Variants in EPHA6 observed in about 807,000 individuals in gnomAD.
The protein encoded by EPHA6 is EPH receptor A6, also known as ephrin type-A receptor 6.
A neutral mutation model predicts 112.0 loss-of-function variants in EPHA6; 50 were observed. That is an observed-to-expected ratio of 0.45 (90% CI 0.36 to 0.56). The LOEUF (loss-of-function observed/expected upper bound fraction) is 0.56. EPHA6 is among the 20% of genes least tolerant of loss of function. The pLI is 0.00. For missense variants in EPHA6, 1,280 were observed against 1,417.4 expected, an observed-to-expected ratio of 0.90 and a Z score of 1.56; for synonymous variants, 529 against 490.7, an observed-to-expected ratio of 1.08 and a Z score of -1.03.
chr3:97,623,000 C>T (rs889553079), intron 13 of EPHA6, among the ~76,000 whole-genome samples: 3 of 151,578 alleles, frequency 2.0e-5, no homozygotes, highest in African/African-American at 7.3e-5. Context: ...AGGATGGATA[C>T]TATTCCCTTA....
chr3:97,643,554 G>A (rs1367968778), intron 14 of EPHA6, among the ~76,000 whole-genome samples: 14 of 146,634 alleles, frequency 9.5e-5, no homozygotes, highest in South Asian at 4.4e-4. Flanking sequence ...CCCATCTCAC[G>A]TGCAGAGACA....
At chr3:96,946,849 T>C (rs1050804533) in intron 2 of EPHA6, among the ~76,000 whole-genome samples, 1 of 152,190 alleles carries the variant, frequency 6.6e-6, no homozygotes, top group Non-Finnish European at 1.5e-5. Context: ...GTTTCCTGAC[T>C]TTTTAATGAT....
intron 13 of EPHA6, among the ~76,000 whole-genome samples, chr3:97,620,116 A>G (rs1297149805): frequency 6.6e-6 from 1 of 152,050 alleles, no homozygotes; most frequent in Non-Finnish European, 1.5e-5. Flanking sequence ...AAGACTACAC[A>G]CCTACAGCTA....
At chr3:97,520,804 C>T (rs981380857) in intron 10 of EPHA6, among the ~76,000 whole-genome samples, 8 of 152,154 alleles carry the variant, frequency 5.3e-5, no homozygotes, top group Non-Finnish European at 8.8e-5. Flanking sequence ...TCTCTCCTTT[C>T]GGTATTGTCT....
At chr3:97,040,304 C>G (rs1038722557) in intron 3 of EPHA6, among the ~76,000 whole-genome samples, 1 of 151,842 alleles carries the variant, frequency 6.6e-6, no homozygotes, top group South Asian at 2.1e-4. Flanking sequence ...ATATATTCAG[C>G]ATAAAAGAGT....
chr3:97,480,181 T>G (rs941107688), intron 9 of EPHA6, among the ~76,000 whole-genome samples: 4 of 151,976 alleles, frequency 2.6e-5, no homozygotes, highest in Non-Finnish European at 1.5e-5. Flanking sequence ...TTTTTATTAT[T>G]ATTTTTTAAG....
intron 2 of EPHA6, among the ~76,000 whole-genome samples, chr3:96,901,863 A>G (rs751439398): frequency 2.0e-5 from 3 of 152,238 alleles, no homozygotes; most frequent in Non-Finnish European, 2.9e-5. Flanking sequence ...GATATTATGC[A>G]TTAATGTGCC....
At chr3:97,450,285 A>G (rs2090483088) in intron 7 of EPHA6, among the ~76,000 whole-genome samples, 1 of 152,056 alleles carries the variant, frequency 6.6e-6, no homozygotes, top group African/African-American at 2.4e-5. Context: ...AGCTAAGGAT[A>G]CAGTCCAAGG....
chr3:97,468,304 C>T (rs981506167), intron 7 of EPHA6, among the ~76,000 whole-genome samples: 5 of 151,244 alleles, frequency 3.3e-5, no homozygotes, highest in Admixed American at 6.6e-5. Flanking sequence ...AGATACTTTT[C>T]CTTTGGGTAG....
chr3:97,613,737 C>G (rs548411482), intron 13 of EPHA6, among the ~76,000 whole-genome samples: 1 of 152,254 alleles, frequency 6.6e-6, no homozygotes, highest in Admixed American at 6.5e-5. Flanking sequence ...ACTTAGCAAG[C>G]AAATCATCAG....
intron 5 of EPHA6, among the ~76,000 whole-genome samples, chr3:97,385,471 A>G (rs927790345): frequency 3.3e-5 from 5 of 152,198 alleles, no homozygotes; most frequent in Non-Finnish European, 7.3e-5. Context: ...AAAATTACAC[A>G]GAGATAATCA....
chr3:97,386,700 C>T (rs2086089931), intron 5 of EPHA6, among the ~76,000 whole-genome samples: 1 of 152,198 alleles, frequency 6.6e-6, no homozygotes, highest in Non-Finnish European at 1.5e-5. Flanking sequence ...CCACTTCTCA[C>T]AGCTCCACTA....
chr3:97,498,487 A>G (rs2092037414), intron 10 of EPHA6, among the ~76,000 whole-genome samples: 1 of 152,190 alleles, frequency 6.6e-6, no homozygotes, highest in African/African-American at 2.4e-5. Flanking sequence ...GGAGAAAAAA[A>G]TAAAGGGGTA....
chr3:97,606,268 T>G (rs2093679545), intron 12 of EPHA6: 1 of 151,312 alleles, frequency 6.6e-6, no homozygotes, highest in Non-Finnish European at 1.5e-5. Context: ...TTAAGAAAAT[T>G]TTTTGTATCA....
chr3:96,905,595 AGAATAG>A (rs2038889957), intron 2 of EPHA6, among the ~76,000 whole-genome samples: 1 of 152,090 alleles, frequency 6.6e-6, no homozygotes, highest in Non-Finnish European at 1.5e-5. Flanking sequence ...ACTGGATTCT[AGAATAG>A]TAAATGTGCC....
chr3:97,456,709 C>A (rs76384319), intron 7 of EPHA6, among the ~76,000 whole-genome samples: 3,424 of 152,232 alleles, frequency 0.022, 123 homozygotes, highest in African/African-American at 0.075. Flanking sequence ...CACTAACCCA[C>A]ACTAGAGATA....
At chr3:96,871,508 TA>T (rs1255786475) in intron 2 of EPHA6, among the ~76,000 whole-genome samples, 21 of 152,164 alleles carry the variant, frequency 1.4e-4, no homozygotes, top group African/African-American at 4.3e-4. Context: ...ATGTATCAAA[TA>T]TTTTTTTTTC....
chr3:96,969,961 T>G (rs1397166146), intron 2 of EPHA6, among the ~76,000 whole-genome samples: 1 of 152,070 alleles, frequency 6.6e-6, no homozygotes, highest in East Asian at 1.9e-4. Flanking sequence ...TATGTGATGT[T>G]TATAAGAATT....
intron 12 of EPHA6, among the ~76,000 whole-genome samples, chr3:97,594,799 G>A (rs2093573517): frequency 6.6e-6 from 1 of 152,146 alleles, no homozygotes; most frequent in Non-Finnish European, 1.5e-5. Context: ...AGGGCAGCAA[G>A]TGTTTTCTCC....
Sources: gnomAD v4.1 joint callset for allele counts (sites outside exome capture counted in the v4.1 genomes callset) on GRCh38, gnomAD v4.1.1 for gene constraint, MANE v1.5 for transcripts, NCBI Gene and HGNC (gene_info 2026-07-23, HGNC 2026-07-21) for gene names.